Variants in CHRNA7 observed in about 807,000 individuals in gnomAD.
CHRNA7 encodes neuronal acetylcholine receptor subunit alpha-7.
In CHRNA7, 17 loss-of-function variants were observed where a neutral mutation model predicts 48.0. The ratio of observed to expected loss-of-function variants is 0.35; its 90% CI spans 0.24 to 0.53. The LOEUF (loss-of-function observed/expected upper bound fraction) is 0.53. Ranked by LOEUF, CHRNA7 falls within the 20% of genes least tolerant of loss-of-function variation. The pLI is 0.92. For synonymous variants in CHRNA7, 75 were observed against 242.3 expected (o/e 0.31, Z 6.41); for missense variants, 155 against 577.7 (o/e 0.27, Z 7.50).
At chr15:32,084,937 A>G (rs1041043646) in intron 2 of CHRNA7, among the ~76,000 whole-genome samples, 1 of 151,642 alleles carries the variant, frequency 6.6e-6, no homozygotes, top group African/African-American at 2.4e-5. Context: ...GGTTCAAGTA[A>G]TTCTCCTGCC....
chr15:32,131,363 TTTC>T (rs1469337649), intron 4 of CHRNA7, among the ~76,000 whole-genome samples: 1 of 151,686 alleles, frequency 6.6e-6, no homozygotes, highest in Non-Finnish European at 1.5e-5. Flanking sequence ...GTCGATTTTT[TTTC>T]TTTTTTTTGG....
intron 2 of CHRNA7, among the ~76,000 whole-genome samples, chr15:32,084,403 C>T (rs781538098): frequency 3.0e-4 from 46 of 152,176 alleles, no homozygotes; most frequent in Admixed American, 5.2e-4. Flanking sequence ...GTGTGTTCCT[C>T]GTTTGGAGTT....
chr15:32,112,096 T>C, intron 4 of CHRNA7, 197 bp downstream of exon 4: 2 of 628,690 alleles, frequency 3.2e-6, no homozygotes, highest in Non-Finnish European at 2.9e-6. Context: ...TGGTTTGGCA[T>C]GCACACGTGC....
At chr15:32,049,516 C>G (rs974859342) in intron 2 of CHRNA7, among the ~76,000 whole-genome samples, 8 of 152,146 alleles carry the variant, frequency 5.3e-5, no homozygotes, top group African/African-American at 1.7e-4. Context: ...TTCCTCCATC[C>G]TTTAATTTTG....
intron 4 of CHRNA7, among the ~76,000 whole-genome samples, chr15:32,116,628 C>T (rs897153971): frequency 3.9e-5 from 6 of 152,242 alleles, no homozygotes; most frequent in African/African-American, 1.2e-4. Flanking sequence ...AAAGGCCTTG[C>T]TGGGATCAGC....
chr15:32,080,991 A>G (rs1180573690), intron 2 of CHRNA7, among the ~76,000 whole-genome samples: 1 of 152,242 alleles, frequency 6.6e-6, no homozygotes, highest in African/African-American at 2.4e-5. Context: ...CTCTACAGGT[A>G]CATGGATGAA....
intron 4 of CHRNA7, among the ~76,000 whole-genome samples, chr15:32,114,901 G>A (rs996313069): frequency 2.6e-5 from 4 of 152,334 alleles, no homozygotes; most frequent in Admixed American, 1.3e-4. Context: ...CTTCCACAGC[G>A]GGGCAGGTCT....
At chr15:32,088,930 C>CT (rs1339353027) in intron 2 of CHRNA7, among the ~76,000 whole-genome samples, 1 of 152,122 alleles carries the variant, frequency 6.6e-6, no homozygotes, top group African/African-American at 2.4e-5. Context: ...TAAAGTCCAA[C>CT]TTACTAATTT....
rs964504616 is a variant in CHRNA7, at chr15:32,132,215, T to C, written c.350+20316T>C. On this transcript the variant is annotated intron_variant, in intron 4 of 9. Transcript: ENST00000306901. The stretch of plus-strand genomic sequence containing the variant: ...TGTCAGGCTGCTTCTCTCCTGACCA[T>C]TTGGCGAGAGAGGGCAAGCTTTCCT... Among the ~76,000 whole-genome samples the C allele has an allele frequency of 5.9e-5, 9 of 152,134 alleles. No homozygotes were observed. The East Asian group carries it at 1.5e-3, about 26-fold the overall frequency.
rs140229956 is a variant in CHRNA7 at position 32,152,442 on chromosome 15, CA to C, written c.351-1456del. Among the ~76,000 whole-genome samples the C allele has an allele frequency of 6.3e-3, 946 of 150,658 alleles. 1 individual carries two copies. Among genetic ancestry groups the C allele is most frequent in the Non-Finnish European group, 8.9e-3 (599 of 67,486 alleles). ...TGGGCAACAGAGCTAGACTCCATTT[CA>C]AAAAAAAAGGGAAGCGTAGCACATG... On this transcript the variant is annotated intron_variant, in intron 4 of 9. Transcript: ENST00000306901.
chr15:32,131,159 A>AT (rs1287128386), intron 4 of CHRNA7, among the ~76,000 whole-genome samples: 2 of 151,804 alleles, frequency 1.3e-5, no homozygotes, highest in Non-Finnish European at 2.9e-5. Context: ...CTTGGCATTA[A>AT]TTTTTTTGTA....
chr15:32,052,042 AAAATTTTAGCCTCTT>A (rs1465875856), intron 2 of CHRNA7, among the ~76,000 whole-genome samples: 9 of 152,166 alleles, frequency 5.9e-5, no homozygotes, highest in African/African-American at 2.2e-4. Flanking sequence ...AGGTTTGCTT[AAAATTTTAGCCTCTT>A]AAGCATTATT....
At position 32,163,372 on chromosome 15, in the gene CHRNA7, C is replaced by T; in HGVS notation, c.990+37C>T. 3 of 638,924 alleles carry T rather than the reference C, an allele frequency of 4.7e-6. 1 individual carries two copies. The highest frequency in any genetic ancestry group is 6.2e-5 in the Admixed American group (2 of 32,474). 39.6% of individuals were successfully genotyped at this position (638,924 alleles called of 1,614,324 possible). A position where few individuals can be genotyped will look rare whatever the true frequency, so the allele number is the denominator to read the frequency against. On this transcript the variant is annotated intron_variant, in intron 9 of 9. Transcript: ENST00000306901. ...CCACCCCCGATGGAGTCGGAGCCCC[C>T]CTGTAAAGGAGGCTCCTCCTAGGGT...
At position 32,114,873 on chromosome 15, in the gene CHRNA7, G is replaced by A. The variant is rs114685421; in HGVS notation, c.350+2974G>A. Reference sequence around the variant, plus strand: ...CCATGGGCTGGGGCTCCACTGGGCCGATGTGCTGAGGGGTACACTTCCACA... The same window carrying A: ...CCATGGGCTGGGGCTCCACTGGGCCAATGTGCTGAGGGGTACACTTCCACA... On this transcript the variant is annotated intron_variant, in intron 4 of 9. Transcript: ENST00000306901. 5.2e-3 allele frequency among the ~76,000 whole-genome samples: 789 copies of A among 152,354 alleles called. 7 individuals carry two copies. The highest frequency in any genetic ancestry group is 0.018 in the African/African-American group (753 of 41,594).
chr15:32,121,347 C>G (rs544596978), intron 4 of CHRNA7, among the ~76,000 whole-genome samples: 1 of 152,184 alleles, frequency 6.6e-6, no homozygotes, highest in Non-Finnish European at 1.5e-5. Context: ...ATCAGTTTAC[C>G]GTGGGTGGTC....
At chr15:32,067,496 A>G (rs1048006686) in intron 2 of CHRNA7, among the ~76,000 whole-genome samples, 1 of 152,216 alleles carries the variant, frequency 6.6e-6, no homozygotes, top group African/African-American at 2.4e-5. Flanking sequence ...ACTGCTGGAA[A>G]ATTTTCCCTG....
intron 4 of CHRNA7, among the ~76,000 whole-genome samples, chr15:32,151,396 G>C (rs769116914): frequency 6.6e-6 from 1 of 152,116 alleles, no homozygotes; most frequent in Non-Finnish European, 1.5e-5. Context: ...TTCCAAAGCT[G>C]ACCAAGGAAA....
intron 4 of CHRNA7, among the ~76,000 whole-genome samples, chr15:32,151,211 ATC>A (rs1297023851): frequency 3.3e-5 from 5 of 152,068 alleles, no homozygotes; most frequent in African/African-American, 1.2e-4. Flanking sequence ...AGCTCATTAT[ATC>A]TCCTCTTTCT....
chr15:32,125,704 C>T (rs999329587), intron 4 of CHRNA7, among the ~76,000 whole-genome samples: 2 of 152,058 alleles, frequency 1.3e-5, no homozygotes, highest in African/African-American at 4.8e-5. Context: ...AAGAAGCTGC[C>T]GAGTGATTGT....
Sources: allele counts gnomAD v4.1 joint callset (sites outside exome capture counted in the v4.1 genomes callset), GRCh38; gene constraint gnomAD v4.1.1; transcripts MANE v1.5; gene names NCBI Gene and HGNC (gene_info 2026-07-23, HGNC 2026-07-21).